MYO1D: variants seen among roughly 807,000 people sequenced by gnomAD.
The protein encoded by MYO1D is myosin ID.
In MYO1D, 83 loss-of-function variants were observed where a neutral mutation model predicts 122.0. The observed-to-expected ratio is 0.68, with a 90% CI of 0.57 to 0.82. The LOEUF (loss-of-function observed/expected upper bound fraction) is 0.82, where lower values mean the gene tolerates loss of function less well. MYO1D is among the 40% of genes least tolerant of loss of function. The pLI is 0.00. For missense variants in MYO1D, 1,157 were observed against 1,269.5 expected (o/e 0.91, Z 1.35); for synonymous variants, 464 against 446.9 (o/e 1.04, Z -0.48).
At chr17:32,555,027 C>T (rs530776676) in intron 21 of MYO1D, among the ~76,000 whole-genome samples, 1 of 152,130 alleles carries the variant, frequency 6.6e-6, no homozygotes, top group Admixed American at 6.6e-5. Context: ...GACCCCGCAA[C>T]TCTGTCTCTA....
chr17:32,651,758 C>T (rs193058203), intron 19 of MYO1D, among the ~76,000 whole-genome samples: 7 of 151,034 alleles, frequency 4.6e-5, no homozygotes, highest in Admixed American at 4.0e-4. Flanking sequence ...TCACTGCAAC[C>T]TCTGCTTCCC....
chr17:32,760,470 T>C lies in MYO1D; in HGVS notation c.1181+12A>G. The C allele has an allele frequency of 6.2e-7, 1 of 1,610,394 alleles. No homozygotes were observed. The highest frequency in any genetic ancestry group is 8.5e-7 in the Non-Finnish European group (1 of 1,177,692). ...ACAGGCAACAAGGTTTTAAGTATCT[T>C]TTCCAGTTTACCTGTTGTTGTCAAA... On this transcript the variant is annotated intron_variant, in intron 9 of 21. Coordinates refer to ENST00000318217, the MANE Select transcript of MYO1D (RefSeq NM_015194.3).
At chr17:32,738,432 T>C (rs1253433442) in intron 13 of MYO1D, 47 bp from the exon 14 acceptor site, 3 of 1,517,718 alleles carry the variant, frequency 2.0e-6, no homozygotes, top group East Asian at 2.4e-5. Context: ...TCAAATAAGC[T>C]GGATAAAAAC....
At chr17:32,522,071 G>A (rs1910161089) in intron 21 of MYO1D, among the ~76,000 whole-genome samples, 2 of 99,818 alleles carry the variant, frequency 2.0e-5, no homozygotes, top group Admixed American at 1.6e-4. Flanking sequence ...GACAGAGTGA[G>A]ACTCTGTCTC....
intron 21 of MYO1D, among the ~76,000 whole-genome samples, chr17:32,506,981 A>G (rs769875279): frequency 3.3e-5 from 5 of 152,212 alleles, no homozygotes; most frequent in Non-Finnish European, 5.9e-5. Context: ...ACCCTGTCTC[A>G]GGAAAATTAA....
chr17:32,531,098 A>G (rs1270302638), intron 21 of MYO1D: 1 of 152,308 alleles, frequency 6.6e-6, no homozygotes, highest in East Asian at 1.9e-4. Context: ...TGATCTACCA[A>G]TCCCAGGACC....
At chr17:32,497,643 C>G (rs1909167092) in intron 21 of MYO1D, 1 of 152,360 alleles carries the variant, frequency 6.6e-6, no homozygotes, top group Admixed American at 6.5e-5. Context: ...GGGGGAGGCC[C>G]TTCCTCAGGG....
chr17:32,827,943 A>C (rs1948045129), intron 1 of MYO1D, among the ~76,000 whole-genome samples: 1 of 152,252 alleles, frequency 6.6e-6, no homozygotes, highest in Admixed American at 6.5e-5. Flanking sequence ...GGATAACATT[A>C]CAAAGCATTA....
intron 1 of MYO1D, among the ~76,000 whole-genome samples, chr17:32,870,106 C>T (rs1184495014): frequency 1.3e-5 from 2 of 152,026 alleles, no homozygotes; most frequent in African/African-American, 4.8e-5. Context: ...AAATCTGTCA[C>T]GGAGTAGGAA....
At chr17:32,552,379 T>C (rs973563647) in intron 21 of MYO1D, among the ~76,000 whole-genome samples, 31 of 149,632 alleles carry the variant, frequency 2.1e-4, no homozygotes, top group Admixed American at 1.6e-3. Context: ...CTGGCCTGCA[T>C]TGCTCACTCT....
chr17:32,598,383 A>G (rs1356761732), intron 21 of MYO1D, among the ~76,000 whole-genome samples: 1 of 152,184 alleles, frequency 6.6e-6, no homozygotes, highest in African/African-American at 2.4e-5. Flanking sequence ...CAAAAAAGAA[A>G]AAAAAAGAAA....
intron 1 of MYO1D, among the ~76,000 whole-genome samples, chr17:32,844,505 G>A (rs937162696): frequency 2.7e-5 from 4 of 150,294 alleles, no homozygotes; most frequent in Admixed American, 6.6e-5. Flanking sequence ...AGGATCACTT[G>A]AGGTCAGGAG....
At position 32,758,716 on chromosome 17, in the gene MYO1D, A is replaced by T. The variant is rs2089971670; in HGVS notation, c.1296+1574T>A. ...TGTTTAAAATTTTCCATAATAAAAAATCTTTTAAAAAGAATCACTATGTTT... is the reference window on the plus strand; with the variant it reads ...TGTTTAAAATTTTCCATAATAAAAATTCTTTTAAAAAGAATCACTATGTTT... On this transcript the variant is annotated intron_variant, in intron 10 of 21. Transcript: ENST00000318217. Among the ~76,000 whole-genome samples, 9 of 152,256 alleles carry T rather than the reference A, an allele frequency of 5.9e-5. No individual in the cohort carries two copies. In the South Asian group the frequency reaches 1.9e-3, roughly 32 times the overall value.
At chr17:32,585,636 A>G (rs1255445404) in intron 21 of MYO1D, among the ~76,000 whole-genome samples, 1 of 152,010 alleles carries the variant, frequency 6.6e-6, no homozygotes, top group Non-Finnish European at 1.5e-5. Context: ...AGGCTGAGGC[A>G]AGGGAATCTT....
At chr17:32,652,442 T>G (rs1317915812) in intron 19 of MYO1D, among the ~76,000 whole-genome samples, 1 of 152,208 alleles carries the variant, frequency 6.6e-6, no homozygotes, top group East Asian at 1.9e-4. Flanking sequence ...TTTGATAATT[T>G]TCTTAATTCC....
chr17:32,807,339 TTA>T (rs1219170797), intron 1 of MYO1D, among the ~76,000 whole-genome samples: 2 of 152,086 alleles, frequency 1.3e-5, no homozygotes, highest in African/African-American at 4.8e-5. Flanking sequence ...CCATAAAACT[TTA>T]TGTTCCTATA....
chr17:32,675,438 C>A (rs2088793567), intron 16 of MYO1D, among the ~76,000 whole-genome samples: 1 of 152,054 alleles, frequency 6.6e-6, no homozygotes, highest in Non-Finnish European at 1.5e-5. Context: ...CTTGTATTAC[C>A]TCATCTATTT....
chr17:32,649,239 A>G (rs1322311712), intron 19 of MYO1D, among the ~76,000 whole-genome samples: 1 of 152,222 alleles, frequency 6.6e-6, no homozygotes, highest in Non-Finnish European at 1.5e-5. Context: ...GTATAGGTCA[A>G]TGCTTCATTG....
At chr17:32,630,244 T>C (rs1450345453) in intron 20 of MYO1D, among the ~76,000 whole-genome samples, 1 of 152,194 alleles carries the variant, frequency 6.6e-6, no homozygotes, top group East Asian at 1.9e-4. Flanking sequence ...TTCTTTCTTT[T>C]GTAGAGACAG....
Sources: allele counts gnomAD v4.1 joint callset (sites outside exome capture counted in the v4.1 genomes callset), GRCh38; gene constraint gnomAD v4.1.1; transcripts MANE v1.5; gene names NCBI Gene and HGNC (gene_info 2026-07-23, HGNC 2026-07-21).